USH1C: variants seen among roughly 807,000 people sequenced by gnomAD.
USH1C encodes the protein harmonin.
In USH1C, 90 loss-of-function variants were observed where a neutral mutation model predicts 119.3. The observed-to-expected ratio is 0.75, with a 90% CI of 0.64 to 0.90. USH1C has a LOEUF of 0.90. Ranked by LOEUF, USH1C falls within the 40% of genes least tolerant of loss-of-function variation. The pLI, the probability that USH1C is intolerant of heterozygous loss-of-function variation, is 0.00. For missense variants in USH1C, 1,165 were observed against 1,167.7 expected (o/e 1.00, Z 0.03); for synonymous variants, 465 against 443.3 (o/e 1.05, Z -0.62).
rs770952404 is a variant in USH1C at position 17,527,280 on chromosome 11, G to A, written c.439C>T (p.His147Tyr). Reference protein sequence around the residue: ...INGYSISSCTHEEVINLIRTK... With the variant: ...INGYSISSCTYEEVINLIRTK... ...CGAATGAGGTTGATGACCTCCTCAT[G>A]GGTACAGGAGGAGATGGAATATCCA... Residue 147 changes from histidine (H) to tyrosine (Y), a missense_variant, in exon 5 of 27, where the codon CAT becomes TAT. His to Tyr is a moderately conservative substitution (Grantham distance 83, BLOSUM62 2). Coordinates refer to ENST00000005226, the MANE Select transcript of USH1C (RefSeq NM_153676.4). 5.0e-6 allele frequency: 8 copies of A among 1,610,834 alleles called. No individual in the cohort carries two copies. The highest frequency in any genetic ancestry group is 6.8e-6 in the Non-Finnish European group (8 of 1,178,696).
chr11:17,520,641 G>A (rs1850367337), intron 14 of USH1C, among the ~76,000 whole-genome samples: 1 of 152,122 alleles, frequency 6.6e-6, no homozygotes, highest in Non-Finnish European at 1.5e-5. Flanking sequence ...GTGTTGTGGG[G>A]GACCTGGGAG....
chr11:17,514,241 C>A (rs1214098488), intron 15 of USH1C, among the ~76,000 whole-genome samples: 5 of 152,176 alleles, frequency 3.3e-5, no homozygotes, highest in African/African-American at 7.2e-5. Flanking sequence ...TTTCTTGAGA[C>A]AGGGTCCTGC....
chr11:17,509,667 G>A lies in USH1C; in HGVS notation c.1702C>T (p.Pro568Ser), dbSNP rs1163375199. The A allele has an allele frequency of 6.3e-7, 1 of 1,595,000 alleles. No homozygotes were observed. The highest frequency in any genetic ancestry group is 1.7e-5 in the Admixed American group (1 of 58,716). ...PSALPVMPHP[P>S]PSNPPHKVPA... The stretch of plus-strand genomic sequence containing the variant: ...ACCTTGTGGGGTGGGTTGGAGGGTG[G>A]AGGGTGGGGCATCACAGGCAAGGCA... Residue 568 changes from proline (P) to serine (S), a missense_variant, in exon 18 of 27, where the codon CCA becomes TCA. Pro to Ser is a moderately conservative substitution (Grantham distance 74). Coordinates refer to ENST00000005226, the MANE Select transcript of USH1C (RefSeq NM_153676.4).
intron 17 of USH1C, 59 bp from the exon 18 acceptor site, chr11:17,509,897 A>G: frequency 1.3e-6 from 2 of 1,547,630 alleles, no homozygotes; most frequent in South Asian, 2.4e-5. Context: ...CCACTTCACA[A>G]TACAGCGAGC....
chr11:17,512,131 C>T (rs1296758870), intron 15 of USH1C, 77 bp from the exon 16 acceptor site: 4 of 1,502,000 alleles, frequency 2.7e-6, no homozygotes, highest in Non-Finnish European at 3.7e-6. Context: ...GCATCCAGTC[C>T]TCACATAACA....
intron 18 of USH1C, 21 bp from the exon 19 acceptor site, chr11:17,505,970 G>A: frequency 6.2e-7 from 1 of 1,614,130 alleles, no homozygotes; most frequent in Non-Finnish European, 8.5e-7. Context: ...AGTTTAACAG[G>A]GACCCAGGTG....
At chr11:17,513,202 G>A (rs1424541725) in intron 15 of USH1C, among the ~76,000 whole-genome samples, 1 of 152,096 alleles carries the variant, frequency 6.6e-6, no homozygotes, top group African/African-American at 2.4e-5. Flanking sequence ...AGGGAAACAC[G>A]GCAGGAGGGA....
chr11:17,531,129 C>T lies in USH1C; in HGVS notation c.387+25G>A. On this transcript the variant is annotated intron_variant, in intron 4 of 26. Transcript: ENST00000005226. The surrounding 1 kb of genome is among the most constrained non-coding windows in gnomAD (Gnocchi z 4.2). ...CAGGAGGTCCGAGGCCCTCGCTCCC[C>T]CTCCCCCGGACTCTGTTTGCTCACC... 6.2e-7 allele frequency: 1 copy of T among 1,613,782 alleles called. No homozygotes were observed. Among genetic ancestry groups the T allele is most frequent in the Non-Finnish European group, 8.5e-7 (1 of 1,179,970 alleles).
chr11:17,518,735 C>T (rs923742230), intron 14 of USH1C, among the ~76,000 whole-genome samples: 9 of 152,102 alleles, frequency 5.9e-5, no homozygotes, highest in Admixed American at 6.5e-5. Context: ...ATGCAGGGCC[C>T]GGGGCCAGGC....
chr11:17,502,066 T>C (rs1196982680), intron 20 of USH1C, 86 bp from the exon 21 acceptor site: 4 of 1,443,940 alleles, frequency 2.8e-6, no homozygotes, highest in Non-Finnish European at 3.8e-6. Flanking sequence ...ATGGTCGGAA[T>C]CCAAGGGTCA....
At chr11:17,537,455 C>T (rs1319618139) in intron 1 of USH1C, among the ~76,000 whole-genome samples, 3 of 152,180 alleles carry the variant, frequency 2.0e-5, no homozygotes, top group Non-Finnish European at 4.4e-5. Flanking sequence ...TGCCCAGTGG[C>T]GTCCGTTGAT....
At chr11:17,533,534 G>A (rs1054325770) in intron 1 of USH1C, 50 of 640,514 alleles carry the variant, frequency 7.8e-5, no homozygotes, top group Non-Finnish European at 1.3e-4. Flanking sequence ...CAGGAGTACC[G>A]CTGCCCCTCC....
chr11:17,511,884 T>G lies in USH1C; in HGVS notation c.1413+18A>C. 2 of 1,608,138 alleles carry G rather than the reference T, an allele frequency of 1.2e-6. No individual in the cohort carries two copies. Among genetic ancestry groups the G allele is most frequent in the Non-Finnish European group, 1.7e-6 (2 of 1,177,522 alleles). On this transcript the variant is annotated intron_variant, in intron 16 of 26. Coordinates refer to ENST00000005226, the MANE Select transcript of USH1C (RefSeq NM_153676.4). The stretch of plus-strand genomic sequence containing the variant: ...GTGTCCCAGGGTTGCTTGCCTGGCC[T>G]GCAGGCAGGACACATACCTCCTGGG...
chr11:17,513,704 T>C (rs1251740621), intron 15 of USH1C, among the ~76,000 whole-genome samples: 1 of 152,134 alleles, frequency 6.6e-6, no homozygotes, highest in African/African-American at 2.4e-5. Context: ...TAGTAGAGAT[T>C]CAGACAGCAA....
chr11:17,512,184 T>C (rs1175198079), intron 15 of USH1C, 130 bp from the exon 16 acceptor site: 6 of 1,029,632 alleles, frequency 5.8e-6, no homozygotes, highest in Non-Finnish European at 9.0e-6. Context: ...CTCTCACCAC[T>C]CTGGACATCA....
At chr11:17,519,475 C>T (rs11024317) in intron 14 of USH1C, among the ~76,000 whole-genome samples, 32,244 of 152,154 alleles carry the variant, frequency 0.21, 4,719 homozygotes, top group African/African-American at 0.41. Flanking sequence ...TTTTCTATTG[C>T]TCCTGAGAGG....
At chr11:17,523,345 C>T in intron 10 of USH1C, 74 bp downstream of exon 10, 2 of 1,613,152 alleles carry the variant, frequency 1.2e-6, no homozygotes, top group Non-Finnish European at 1.7e-6. Flanking sequence ...AGGCCCCAGG[C>T]TCCAGGGTGG....
In USH1C at chr11:17,533,311, C is replaced by T. The variant is rs764138582; in HGVS notation, c.48G>A (p.Leu16=). ...AREFRHKVDF[L]IENDAEKDYL... Reference sequence around the variant, plus strand: ...AGTCCTTCTCTGCATCATTTTCAATCAGAAAATCCACCTGGAAAATCCAAT... The same window carrying T: ...AGTCCTTCTCTGCATCATTTTCAATTAGAAAATCCACCTGGAAAATCCAAT... The change falls in exon 2 of 27, where the codon CTG becomes CTA. Residue 16 remains leucine (L), a synonymous_variant. Transcript: ENST00000005226. The T allele has an allele frequency of 6.2e-7, 1 of 1,612,946 alleles. No homozygotes were observed. The highest frequency in any genetic ancestry group is 1.1e-5 in the South Asian group (1 of 91,060).
At chr11:17,526,317 G>A (rs866947755) in intron 8 of USH1C, 30 bp downstream of exon 8, 14 of 1,594,952 alleles carry the variant, frequency 8.8e-6, no homozygotes, top group Admixed American at 5.0e-5. Flanking sequence ...CACTGGCCAC[G>A]AATGACCCCA....
Sources: allele counts gnomAD v4.1 joint callset (sites outside exome capture counted in the v4.1 genomes callset), GRCh38; gene constraint gnomAD v4.1.1; non-coding constraint Gnocchi (gnomAD v3.1); transcripts MANE v1.5; gene names NCBI Gene and HGNC (gene_info 2026-07-23, HGNC 2026-07-21).